KIF15: variants seen among roughly 807,000 people sequenced by gnomAD.
KIF15 encodes kinesin-like protein KIF15.
Under a neutral mutation model 190.6 loss-of-function variants are expected in KIF15, and 140 were observed. That is an observed-to-expected ratio of 0.73 (90% CI 0.64 to 0.84). The LOEUF (loss-of-function observed/expected upper bound fraction) is 0.84. Ranked by LOEUF, KIF15 falls within the 40% of genes least tolerant of loss-of-function variation. The pLI is 0.00. For synonymous variants in KIF15, 528 were observed against 551.3 expected (o/e 0.96, Z 0.59); for missense variants, 1,372 against 1,584.4 (o/e 0.87, Z 2.28).
rs1024024402 is a variant in KIF15, at chr3:44,866,971, A to T, written c.*60-6358A>T. Among the ~76,000 whole-genome samples, 6 of 152,244 alleles carry T rather than the reference A, an allele frequency of 3.9e-5. No homozygotes were observed. The East Asian group carries it at 1.2e-3, about 29-fold the overall frequency. ...AAACTCCTGCTCTTCAAAACCCTTG[A>T]GCTCCCATGGGGGCCAGGACAAAGC... is the stretch of plus-strand genomic sequence containing the variant. On this transcript the variant is annotated intron_variant and NMD_transcript_variant, in intron 6 of 6. Transcript: ENST00000422209.
At chr3:44,781,201 G>A (rs556784449) in intron 5 of KIF15, among the ~76,000 whole-genome samples, 3 of 152,260 alleles carry the variant, frequency 2.0e-5, no homozygotes, top group Admixed American at 6.5e-5. Flanking sequence ...TTATACACCT[G>A]TATAACCACT....
At chr3:44,861,744 G>GC (rs1699249506) in intron 6 of KIF15, 3 of 628,328 alleles carry the variant, frequency 4.8e-6, no homozygotes, top group Non-Finnish European at 7.7e-6. Context: ...GCCGGAGGCC[G>GC]CCACAGCCCA....
At chr3:44,766,808 T>TTTC (rs1705400742) in intron 1 of KIF15, among the ~76,000 whole-genome samples, 1 of 105,594 alleles carries the variant, frequency 9.5e-6, no homozygotes, top group African/African-American at 3.4e-5. Context: ...TCTTTCTTTC[T>TTTC]TTTTTTTTTT....
chr3:44,845,318 T>C (rs938198324), intron 30 of KIF15, among the ~76,000 whole-genome samples: 1 of 152,138 alleles, frequency 6.6e-6, no homozygotes, highest in Non-Finnish European at 1.5e-5. Context: ...ATTTCACTGG[T>C]AATGGTAGCT....
chr3:44,852,431 T>C (rs1575695744), intron 34 of KIF15, 92 bp downstream of exon 34: 5 of 1,269,790 alleles, frequency 3.9e-6, no homozygotes, highest in Non-Finnish European at 5.4e-6. Flanking sequence ...TTGAATCAGT[T>C]AACTGCTTAC....
At chr3:44,786,326 T>G in intron 6 of KIF15, 69 bp from the exon 7 acceptor site, 1 of 1,333,936 alleles carries the variant, frequency 7.5e-7, no homozygotes, top group East Asian at 2.3e-5. Context: ...GAGTGCAAAA[T>G]TAATGCTCAT....
In KIF15 at chr3:44,810,712, ACT is replaced by A; in HGVS notation, c.1972-133_1972-132del. On this transcript the variant is annotated intron_variant, in intron 16 of 34. Transcript: ENST00000326047. ...TTTATTTCCACTTGGGCATTTTTGTACTGTGTCTCAAGGGTACTTTTTCCTTT... is the reference window on the plus strand; with the variant it reads ...TTTATTTCCACTTGGGCATTTTTGTAGTGTCTCAAGGGTACTTTTTCCTTT... The A allele has an allele frequency of 5.8e-6, 4 of 691,008 alleles. No individual in the cohort carries two copies. In the South Asian group the frequency reaches 8.8e-5, roughly 15 times the overall value. 42.8% of individuals were successfully genotyped at this position (691,008 alleles called of 1,614,324 possible).
At chr3:44,862,945 A>G (rs1300188696) in intron 6 of KIF15, 9 of 152,046 alleles carry the variant, frequency 5.9e-5, no homozygotes, top group Non-Finnish European at 1.3e-4. Context: ...ATAACTTTGT[A>G]TGGGCCGTGA....
intron 27 of KIF15, among the ~76,000 whole-genome samples, chr3:44,840,153 G>A (rs1354026234): frequency 6.6e-6 from 1 of 152,122 alleles, no homozygotes; most frequent in African/African-American, 2.4e-5. Flanking sequence ...AGTATACAAG[G>A]ATCCCTTTTC....
chr3:44,820,999 C>G (rs1275633462), intron 20 of KIF15, among the ~76,000 whole-genome samples: 1 of 136,656 alleles, frequency 7.3e-6, no homozygotes, highest in South Asian at 2.5e-4. Context: ...CCACCTCCCT[C>G]CCGGACGGGG....
chr3:44,788,607 AT>A (rs1706524617), intron 7 of KIF15, among the ~76,000 whole-genome samples: 1 of 151,948 alleles, frequency 6.6e-6, no homozygotes, highest in Non-Finnish European at 1.5e-5. Flanking sequence ...AGTGCACAGC[AT>A]TATGTCTGGC....
At chr3:44,818,839 T>C (rs867872303) in intron 20 of KIF15, among the ~76,000 whole-genome samples, 1 of 152,356 alleles carries the variant, frequency 6.6e-6, no homozygotes, top group Middle Eastern at 3.4e-3. Context: ...TCTTTGTACC[T>C]CTGATAGAAT....
chr3:44,830,788 A>G lies in KIF15; in HGVS notation c.3049-108A>G. 4.7e-6 allele frequency: 5 copies of G among 1,054,416 alleles called. No individual in the cohort carries two copies. In the South Asian group the frequency reaches 8.2e-5, roughly 17 times the overall value. The allele number at this position is 1,054,416 out of a possible 1,614,324, so 65.3% of individuals were successfully genotyped here. A position where few individuals can be genotyped will look rare whatever the true frequency, so the allele number is the denominator to read the frequency against. On this transcript the variant is annotated intron_variant, in intron 25 of 34. Transcript: ENST00000326047. ...TCAGTCAGCAAGTATTTATTGAATTATCTTGTGTTAATCTTGTCATCACCT... is the reference window on the plus strand; with the variant it reads ...TCAGTCAGCAAGTATTTATTGAATTGTCTTGTGTTAATCTTGTCATCACCT...
At chr3:44,786,243 GA>G in intron 6 of KIF15, 151 bp from the exon 7 acceptor site, 2 of 518,634 alleles carry the variant, frequency 3.9e-6, no homozygotes, top group South Asian at 4.9e-5. Context: ...TATTTATCTA[GA>G]TTTTTTTTAC....
chr3:44,830,892 A>G lies in KIF15; in HGVS notation c.3049-4A>G, dbSNP rs1284270174. The G allele has an allele frequency of 1.2e-6, 2 of 1,609,988 alleles. No individual in the cohort carries two copies. The highest frequency in any genetic ancestry group is 1.7e-6 in the Non-Finnish European group (2 of 1,179,018). On this transcript the variant is annotated splice_polypyrimidine_tract_variant and splice_region_variant and intron_variant, in intron 25 of 34. Transcript: ENST00000326047. ...CTCTTATAGCATGACTTTCTTTTCT[A>G]CAGTGCAAATACAACTCTGCTTTGG...
intron 25 of KIF15, among the ~76,000 whole-genome samples, 164 bp downstream of exon 25, chr3:44,830,239 CAG>C (rs1697999544): frequency 6.6e-6 from 1 of 152,126 alleles, no homozygotes; most frequent in Non-Finnish European, 1.5e-5. Flanking sequence ...GTAGGACTTG[CAG>C]AGTCATTATG....
intron 20 of KIF15, among the ~76,000 whole-genome samples, chr3:44,818,040 G>A (rs1708102837): frequency 6.6e-6 from 1 of 152,094 alleles, no homozygotes; most frequent in African/African-American, 2.4e-5. Context: ...TTGGCTCTCC[G>A]TTTGTCTGTT....
chr3:44,801,316 G>T, intron 11 of KIF15, 134 bp from the exon 12 acceptor site: 1 of 526,318 alleles, frequency 1.9e-6, no homozygotes. Flanking sequence ...ACAGGCATGA[G>T]CCACTGTGCC....
Position 44,831,555 on chromosome 3 carries a change from G to T in KIF15, c.3171+537G>T, listed in dbSNP as rs927156177. Among the ~76,000 whole-genome samples the T allele has an allele frequency of 2.0e-5, 3 of 152,016 alleles. No homozygotes were observed. The South Asian group carries it at 6.2e-4, about 32-fold the overall frequency. ...GGCTGTTTAAACAGGCTGATTTCAGGGTTGTCTTTTGCATTTTAGCGAAGA... is the reference window on the plus strand; with the variant it reads ...GGCTGTTTAAACAGGCTGATTTCAGTGTTGTCTTTTGCATTTTAGCGAAGA... On this transcript the variant is annotated intron_variant, in intron 26 of 34. Transcript: ENST00000326047.
Sources: gnomAD v4.1 joint callset for allele counts (sites outside exome capture counted in the v4.1 genomes callset) on GRCh38, gnomAD v4.1.1 for gene constraint, MANE v1.5 for transcripts, NCBI Gene and HGNC (gene_info 2026-07-23, HGNC 2026-07-21) for gene names.